Variants in DOP1A observed in about 807,000 individuals in gnomAD.
DOP1A encodes the protein DOP1 leucine zipper like protein A.
In DOP1A, 90 loss-of-function variants were observed where a neutral mutation model predicts 267.6. The observed-to-expected ratio is 0.34, with a 90% CI of 0.28 to 0.40. DOP1A has a LOEUF of 0.40. Ranked by LOEUF, DOP1A falls within the 10% of genes least tolerant of loss-of-function variation. The probability of loss-of-function intolerance (pLI) is 1.00; values close to 1 mark genes in which losing one functional copy is unlikely to be tolerated. For missense variants in DOP1A, 2,437 were observed against 2,900.4 expected (o/e 0.84, Z 3.67); for synonymous variants, 932 against 999.1 (o/e 0.93, Z 1.27).
chr6:83,169,136 A>C (rs1756930853), downstream of DOP1A: 3 of 1,541,520 alleles, frequency 1.9e-6, no homozygotes, highest in South Asian at 2.4e-5. Flanking sequence ...CTGCATTGTA[A>C]ACATTATGAT....
intron 1 of DOP1A, among the ~76,000 whole-genome samples, chr6:83,090,961 G>C (rs1187905814): frequency 6.6e-6 from 1 of 152,072 alleles, no homozygotes; most frequent in East Asian, 1.9e-4. Flanking sequence ...TGCTGATAAA[G>C]ACATACCTGA....
At chr6:83,102,930 A>G (rs1337280581) in intron 4 of DOP1A, among the ~76,000 whole-genome samples, 2 of 151,874 alleles carry the variant, frequency 1.3e-5, no homozygotes. Flanking sequence ...GCTTATTATT[A>G]CTCATTTTCT....
chr6:83,078,014 G>T (rs1767427113), intron 1 of DOP1A, among the ~76,000 whole-genome samples: 1 of 152,168 alleles, frequency 6.6e-6, no homozygotes, highest in South Asian at 2.1e-4. Context: ...GGTCAAAGGG[G>T]TTGAATCACT....
At chr6:83,071,355 C>G (rs1024961978) in intron 1 of DOP1A, among the ~76,000 whole-genome samples, 2 of 152,114 alleles carry the variant, frequency 1.3e-5, no homozygotes, top group African/African-American at 4.8e-5. Context: ...TACAGGCACC[C>G]ACCATCACAC....
In DOP1A at chr6:83,159,127, T is replaced by TC. The variant is rs572828144; in HGVS notation, c.6797+506dup. ...AAGACCAAGTTTCTTGAATATATTT[T>TC]CTTCTTCAGTAGTAGATTTATAAAA... On this transcript the variant is annotated intron_variant, in intron 36 of 38. Coordinates refer to ENST00000349129, the MANE Select transcript of DOP1A (RefSeq NM_015018.4). Among the ~76,000 whole-genome samples the TC allele has an allele frequency of 9.2e-5, 14 of 152,346 alleles. No homozygotes were observed. In the East Asian group the frequency reaches 2.7e-3, roughly 29 times the overall value.
intron 15 of DOP1A, among the ~76,000 whole-genome samples, chr6:83,128,138 A>G (rs901074545): frequency 7.2e-5 from 11 of 152,200 alleles, no homozygotes; most frequent in African/African-American, 2.4e-4. Context: ...TTTGGGCAAC[A>G]GGGCTTTAGT....
At chr6:83,107,993 T>C (rs1214043902) in intron 4 of DOP1A, among the ~76,000 whole-genome samples, 1 of 152,206 alleles carries the variant, frequency 6.6e-6, no homozygotes, top group Non-Finnish European at 1.5e-5. Flanking sequence ...TGAAAGGTTT[T>C]ACTGAGAGCT....
chr6:83,169,291 G>T, downstream of DOP1A: 1 of 1,613,802 alleles, frequency 6.2e-7, no homozygotes, highest in Non-Finnish European at 8.5e-7. Flanking sequence ...ATACTGCCAA[G>T]CTCACTTCAT....
At position 83,124,718 on chromosome 6, in the gene DOP1A, G is replaced by A. The variant is rs1776881401; in HGVS notation, c.1354G>A (p.Val452Met). ...TTGTCCTTTTAGGAGGACACTGCAT[G>A]TGAGACTTCAGATTGGACCTGGAGA... ...FEECCRRTLH[V>M]RLQIGPGDSN... Residue 452 changes from valine (V) to methionine (M), a missense_variant, in exon 13 of 39, where the codon GTG becomes ATG. By Grantham distance (21) the Val-to-Met change is conservative (BLOSUM62 1). Around this residue, in one of 9 missense-constraint regions of DOP1A, gnomAD observed 498 missense variants for 513.5 expected, o/e 0.97. Transcript: ENST00000349129. 1 of 1,612,784 alleles carries A rather than the reference G, an allele frequency of 6.2e-7. No homozygotes were observed. Among genetic ancestry groups the A allele is most frequent in the Non-Finnish European group, 8.5e-7 (1 of 1,179,420 alleles).
chr6:83,076,799 G>T (rs9344337), intron 1 of DOP1A, among the ~76,000 whole-genome samples: 2 of 152,022 alleles, frequency 1.3e-5, no homozygotes, highest in African/African-American at 2.4e-5. Flanking sequence ...AGCAGGATCT[G>T]GAAGAGGAAT....
Position 83,162,823 on chromosome 6 carries a change from T to C in DOP1A, c.6996T>C (p.Asp2332=). 1 of 1,613,484 alleles carries C rather than the reference T, an allele frequency of 6.2e-7. No individual in the cohort carries two copies. The highest frequency in any genetic ancestry group is 8.5e-7 in the Non-Finnish European group (1 of 1,179,566). Residue 2332 remains aspartate, a synonymous_variant, in exon 38 of 39, where the codon GAT becomes GAC. Transcript: ENST00000349129. The stretch of plus-strand genomic sequence containing the variant: ...GGGCCTTTATTCCAGAAGCCTCAGA[T>C]GATTCAGGTTTGGAAGTCAGAAGGC... ...YRWAFIPEAS[D]DSGLEVRRQG... is the part of the protein sequence containing the mutation.
At chr6:83,133,755 C>A (rs1778439873) in intron 18 of DOP1A, among the ~76,000 whole-genome samples, 1 of 151,710 alleles carries the variant, frequency 6.6e-6, no homozygotes, top group Non-Finnish European at 1.5e-5. Flanking sequence ...ATGAAAAACT[C>A]ATTTGGGATT....
At chr6:83,103,744 T>G (rs1022580749) in intron 4 of DOP1A, among the ~76,000 whole-genome samples, 3 of 152,210 alleles carry the variant, frequency 2.0e-5, no homozygotes, top group African/African-American at 4.8e-5. Flanking sequence ...ACTTTTCTTT[T>G]AAACTGTTGA....
intron 1 of DOP1A, among the ~76,000 whole-genome samples, chr6:83,081,006 C>G (rs1000624047): frequency 6.6e-6 from 1 of 152,188 alleles, no homozygotes; most frequent in African/African-American, 2.4e-5. Flanking sequence ...TCATAATATA[C>G]TACAAAGCTA....
intron 11 of DOP1A, 57 bp downstream of exon 11, chr6:83,122,107 TAAA>T: frequency 6.3e-7 from 1 of 1,581,082 alleles, no homozygotes; most frequent in Non-Finnish European, 8.6e-7. Flanking sequence ...TCACTTAATA[TAAA>T]CTTGAAGTGT....
At chr6:83,124,927 A>AT (rs1184189065) in intron 13 of DOP1A, 108 bp downstream of exon 13, 78 of 1,011,046 alleles carry the variant, frequency 7.7e-5, no homozygotes, top group Admixed American at 1.0e-4. Flanking sequence ...AATTAAATTG[A>AT]TTTTTTCCTC....
Position 83,110,247 on chromosome 6 carries a change from C to T in DOP1A, c.614C>T (p.Ala205Val). The change falls in exon 6 of 39, where the codon GCC becomes GTC. Residue 205 changes from alanine (A) to valine (V), a missense_variant. By Grantham distance (64) the Ala-to-Val change is moderately conservative (BLOSUM62 0). Transcript: ENST00000349129. Reference sequence around the variant, plus strand: ...TTACCTGGAATCACGTATGTTCTTGCCCATTTAAACAGGAAGCTTTCTATG... The same window carrying T: ...TTACCTGGAATCACGTATGTTCTTGTCCATTTAAACAGGAAGCTTTCTATG... ...VRLPGITYVL[A>V]HLNRKLSMED... is the part of the protein sequence containing the mutation. 6.2e-7 allele frequency: 1 copy of T among 1,613,942 alleles called. No homozygotes were observed. Among genetic ancestry groups the T allele is most frequent in the East Asian group, 2.2e-5 (1 of 44,866 alleles).
chr6:83,087,006 C>T (rs980538571), intron 1 of DOP1A, among the ~76,000 whole-genome samples: 1 of 152,040 alleles, frequency 6.6e-6, no homozygotes, highest in East Asian at 1.9e-4. Flanking sequence ...ATTGAAGGAG[C>T]CTGAGCTAAT....
rs948667660 is a variant in DOP1A at position 83,160,089 on chromosome 6, T to G, written c.6962+129T>G. ...TTCCTAATTTTTACTAAAATGTAAT[T>G]CTTTTGGCACAGCAGAGTTATCGGA... On this transcript the variant is annotated intron_variant, in intron 37 of 38. Coordinates refer to ENST00000349129, the MANE Select transcript of DOP1A (RefSeq NM_015018.4). 6 of 898,608 alleles carry G rather than the reference T, an allele frequency of 6.7e-6. No individual in the cohort carries two copies. The African/African-American group carries it at 8.4e-5, about 13-fold the overall frequency. 55.7% of individuals were successfully genotyped at this position (898,608 alleles called of 1,614,324 possible). A position where few individuals can be genotyped will look rare whatever the true frequency, so the allele number is the denominator to read the frequency against.
Sources: allele counts gnomAD v4.1 joint callset (sites outside exome capture counted in the v4.1 genomes callset), GRCh38; gene constraint gnomAD v4.1.1; regional missense constraint gnomAD v4.1.1; transcripts MANE v1.5; gene names NCBI Gene and HGNC (gene_info 2026-07-23, HGNC 2026-07-21).